The following TIMM9 variants were observed in gnomAD, a reference collection of about 807,000 sequenced individuals.
The protein encoded by TIMM9 is mitochondrial import inner membrane translocase subunit Tim9.
In TIMM9, 10 loss-of-function variants were observed where a neutral mutation model predicts 13.4. The ratio of observed to expected loss-of-function variants is 0.75; its 90% CI spans 0.46 to 1.26. The LOEUF (loss-of-function observed/expected upper bound fraction) is 1.26, where lower values mean the gene tolerates loss of function less well. Ranked by LOEUF, TIMM9 falls within the 50% of genes most tolerant of loss-of-function variation. The probability of loss-of-function intolerance (pLI) is 0.00; values close to 1 mark genes in which losing one functional copy is unlikely to be tolerated. For synonymous variants in TIMM9, 32 were observed against 32.1 expected (o/e 1.00, Z 0.01); for missense variants, 87 against 100.8 (o/e 0.86, Z 0.58).
intron 2 of TIMM9, among the ~76,000 whole-genome samples, chr14:58,426,009 A>T (rs181459517): frequency 9.3e-5 from 14 of 151,292 alleles, no homozygotes; most frequent in Admixed American, 5.9e-4. Flanking sequence ...CCAGCTACTC[A>T]GGAGGCCTGA....
rs1434579540 is a variant in TIMM9 at position 58,413,702 on chromosome 14, A to G, written c.-26-1731T>C. Reference sequence around the variant, plus strand: ...TAGTTCTAAAAAGGTTGAGCATTTCATATAAAAGATTTGTATTTGTATAGG... The same window carrying G: ...TAGTTCTAAAAAGGTTGAGCATTTCGTATAAAAGATTTGTATTTGTATAGG... On this transcript the variant is annotated intron_variant, in intron 3 of 5. Transcript: ENST00000395159. Among the ~76,000 whole-genome samples, 4 of 152,314 alleles carry G rather than the reference A, an allele frequency of 2.6e-5. No homozygotes were observed. The East Asian group carries it at 7.7e-4, about 29-fold the overall frequency.
In TIMM9 at chr14:58,409,077, T is replaced by G; in HGVS notation, c.227A>C (p.Glu76Ala). 2.5e-6 allele frequency: 4 copies of G among 1,614,006 alleles called. No homozygotes were observed. Among genetic ancestry groups the G allele is most frequent in the Non-Finnish European group, 3.4e-6 (4 of 1,179,978 alleles). Residue 76 changes from glutamate to alanine, a missense_variant, in exon 6 of 6, where the codon GAA becomes GCA. Transcript: ENST00000395159. ...GAGTCCTGCTTTGGCTGCCAGGGCT[T>G]CATTCTGCTGAATATGATATTCCTG... ...RFQEYHIQQNEALAAKAGLLG... is the reference protein window; with the variant it reads ...RFQEYHIQQNAALAAKAGLLG...
In TIMM9 at chr14:58,427,486, C is replaced by T. The variant is rs918233841; in HGVS notation, c.-398G>A. On this transcript the variant is annotated 5_prime_UTR_variant, in exon 1 of 6. Coordinates refer to ENST00000395159, the MANE Select transcript of TIMM9 (RefSeq NM_012460.4). ...ATTACAAGTCGGGAGCTCTTCAAGT[C>T]TTGGATGAGACTGTAGAGCGGTCTT... 4 of 1,113,318 alleles carry T rather than the reference C, an allele frequency of 3.6e-6. No individual in the cohort carries two copies. The highest frequency in any genetic ancestry group is 4.2e-4 in the Middle Eastern group (2 of 4,782). The allele number at this position is 1,113,318 out of a possible 1,614,324, so 69.0% of individuals were successfully genotyped here.
At position 58,427,472 on chromosome 14, in the gene TIMM9, G is replaced by C; in HGVS notation, c.-384C>G. On this transcript the variant is annotated 5_prime_UTR_variant, in exon 1 of 6. Transcript: ENST00000395159. ...TAAACACAAGTAGTATTACAAGTCG[G>C]GAGCTCTTCAAGTCTTGGATGAGAC... The C allele has an allele frequency of 1.1e-6, 1 of 899,076 alleles. No homozygotes were observed. The highest frequency in any genetic ancestry group is 1.7e-6 in the Non-Finnish European group (1 of 593,188). 55.7% of individuals were successfully genotyped at this position (899,076 alleles called of 1,614,324 possible).
At chr14:58,419,991 C>T (rs2036540270) in intron 3 of TIMM9, among the ~76,000 whole-genome samples, 1 of 152,162 alleles carries the variant, frequency 6.6e-6, no homozygotes, top group Admixed American at 6.5e-5. Flanking sequence ...AGGGTCTCAC[C>T]ATGTTGCCCA....
Position 58,408,937 on chromosome 14 carries a change from G to T in TIMM9, c.*97C>A. On this transcript the variant is annotated 3_prime_UTR_variant, in exon 6 of 6. Transcript: ENST00000395159. ...GTCATGACAGATGGTTGAACATGGT[G>T]GCTACTGCTTTCAGGGGATTCTATC... 6.7e-7 allele frequency: 1 copy of T among 1,498,646 alleles called. No homozygotes were observed. The highest frequency in any genetic ancestry group is 8.9e-7 in the Non-Finnish European group (1 of 1,120,622). The allele number at this position is 1,498,646 out of a possible 1,614,324, so 92.8% of individuals were successfully genotyped here.
chr14:58,411,038 T>C (rs1156588244), intron 4 of TIMM9, 100 bp from the exon 5 acceptor site: 3 of 772,944 alleles, frequency 3.9e-6, no homozygotes, highest in Non-Finnish European at 6.5e-6. Flanking sequence ...AAATATACTA[T>C]AACACTTGAA....
intron 3 of TIMM9, among the ~76,000 whole-genome samples, chr14:58,415,915 A>G (rs2036390999): frequency 6.6e-6 from 1 of 152,096 alleles, no homozygotes; most frequent in East Asian, 1.9e-4. Flanking sequence ...ATAGTCAAAC[A>G]TCTGAAAACT....
At position 58,408,569 on chromosome 14, in the gene TIMM9, A is replaced by G; in HGVS notation, c.*465T>C. On this transcript the variant is annotated 3_prime_UTR_variant, in exon 6 of 6. Transcript: ENST00000395159. ...ATGAATGAACAGGACTGCTTGGAGG[A>G]TGATCCTGATTGAAAAACATTTCAA... The G allele has an allele frequency of 6.2e-7, 1 of 1,614,108 alleles. No individual in the cohort carries two copies. The highest frequency in any genetic ancestry group is 8.5e-7 in the Non-Finnish European group (1 of 1,179,978).
chr14:58,422,192 T>G (rs1475503065), intron 3 of TIMM9, among the ~76,000 whole-genome samples: 2 of 151,686 alleles, frequency 1.3e-5, no homozygotes, highest in South Asian at 2.1e-4. Flanking sequence ...CTCAGCTTAC[T>G]GCAATCTCCG....
intron 5 of TIMM9, among the ~76,000 whole-genome samples, chr14:58,409,756 T>A (rs2036151713): frequency 6.6e-6 from 1 of 152,022 alleles, no homozygotes; most frequent in Non-Finnish European, 1.5e-5. Context: ...TTTTTTGTAT[T>A]TTTAGTAGAG....
At chr14:58,414,009 A>G (rs866130998) in intron 3 of TIMM9, among the ~76,000 whole-genome samples, 8 of 43,294 alleles carry the variant, frequency 1.8e-4, no homozygotes, top group Admixed American at 7.8e-4. Context: ...TCCGTCTCAG[A>G]AAAAAAAAAA....
At chr14:58,426,395 C>CG (rs2036803159) in intron 2 of TIMM9, among the ~76,000 whole-genome samples, 1 of 151,512 alleles carries the variant, frequency 6.6e-6, no homozygotes, top group African/African-American at 2.4e-5. Context: ...TCAGTAGAGG[C>CG]GGGGTTTCAC....
At chr14:58,409,363 G>C (rs978751969) in intron 5 of TIMM9, among the ~76,000 whole-genome samples, 195 bp from the exon 6 acceptor site, 1 of 151,988 alleles carries the variant, frequency 6.6e-6, no homozygotes, top group Non-Finnish European at 1.5e-5. Flanking sequence ...AATATATATT[G>C]AATGCCTGCC....
Position 58,408,774 on chromosome 14 carries a change from C to T in TIMM9, c.*260G>A. On this transcript the variant is annotated 3_prime_UTR_variant, in exon 6 of 6. Coordinates refer to ENST00000395159, the MANE Select transcript of TIMM9 (RefSeq NM_012460.4). Reference sequence around the variant, plus strand: ...AGAAACAATGGTTTATTTTTCTAATCAAGTGACCAAGCTGCTGAATCATAA... The same window carrying T: ...AGAAACAATGGTTTATTTTTCTAATTAAGTGACCAAGCTGCTGAATCATAA... The T allele has an allele frequency of 1.4e-6, 1 of 691,388 alleles. No homozygotes were observed. The allele number at this position is 691,388 out of a possible 1,614,324, so 42.8% of individuals were successfully genotyped here. A position where few individuals can be genotyped will look rare whatever the true frequency, so the allele number is the denominator to read the frequency against.
Position 58,410,861 on chromosome 14 carries a change from T to G in TIMM9, c.117A>C (p.Arg39Ser), listed in dbSNP as rs779621976. 6.2e-7 allele frequency: 1 copy of G among 1,609,400 alleles called. No homozygotes were observed. The highest frequency in any genetic ancestry group is 1.1e-5 in the South Asian group (1 of 89,636). Residue 39 changes from arginine (R) to serine (S), a missense_variant, in exon 5 of 6, where the codon AGA (arginine) becomes AGC (serine). Physicochemically the swap from Arg to Ser is moderately radical, Grantham distance 110. Coordinates refer to ENST00000395159, the MANE Select transcript of TIMM9 (RefSeq NM_012460.4). ...TTCATACCTCTTCAGGTTTTACTTCTCTTGTTGTGAAGTCTTTAACACAGT... is the reference window on the plus strand; with the variant it reads ...TTCATACCTCTTCAGGTTTTACTTCGCTTGTTGTGAAGTCTTTAACACAGT... ...FLDCVKDFTT[R>S]EVKPEETTCS... is the part of the protein sequence containing the mutation.
chr14:58,422,835 A>G (rs533544936), intron 3 of TIMM9, among the ~76,000 whole-genome samples: 5 of 151,944 alleles, frequency 3.3e-5, no homozygotes, highest in African/African-American at 4.8e-5. Context: ...TTTGAGACAG[A>G]GTCTCACTCT....
intron 3 of TIMM9, among the ~76,000 whole-genome samples, chr14:58,416,726 T>C (rs1053540413): frequency 5.9e-5 from 9 of 152,352 alleles, no homozygotes; most frequent in Middle Eastern, 6.8e-3. Context: ...TATACTTCAC[T>C]TGAACTGGTA....
intron 3 of TIMM9, among the ~76,000 whole-genome samples, chr14:58,415,163 G>A (rs901762470): frequency 5.9e-5 from 9 of 152,160 alleles, no homozygotes; most frequent in Non-Finnish European, 1.3e-4. Context: ...TCAGAGTGAG[G>A]AAGATGAATT....
Sources: gnomAD v4.1 joint callset for allele counts (sites outside exome capture counted in the v4.1 genomes callset) on GRCh38, gnomAD v4.1.1 for gene constraint, MANE v1.5 for transcripts, NCBI Gene and HGNC (gene_info 2026-07-23, HGNC 2026-07-21) for gene names.